KATNIP: variants seen among roughly 807,000 people sequenced by gnomAD.
KATNIP encodes katanin interacting protein.
Under a neutral mutation model 174.0 loss-of-function variants are expected in KATNIP, and 126 were observed. That is an observed-to-expected ratio of 0.72 (90% CI 0.63 to 0.84). KATNIP has a LOEUF of 0.84. Among genes scored for constraint, KATNIP ranks in the 40% least tolerant of loss-of-function variants. The probability of loss-of-function intolerance (pLI) is 0.00; values close to 1 mark genes in which losing one functional copy is unlikely to be tolerated. For synonymous variants in KATNIP, 810 were observed against 835.7 expected, an observed-to-expected ratio of 0.97 and a Z score of 0.53; for missense variants, 1,958 against 2,109.7, an observed-to-expected ratio of 0.93 and a Z score of 1.41.
Position 27,777,979 on chromosome 16 carries a change from G to A in KATNIP, c.4801+10G>A, listed in dbSNP as rs1229079105. On this transcript the variant is annotated intron_variant, in intron 27 of 27. Transcript: ENST00000261588. This position sits in a 1 kb window ranked among gnomAD's most constrained non-coding sequence, Gnocchi z 4.4. Reference sequence around the variant, plus strand: ...AGCGTTGTTGACCCAGGTCAGTGGCGTTTCTCTGCCCAGAGCATTGTGCCT... The same window carrying A: ...AGCGTTGTTGACCCAGGTCAGTGGCATTTCTCTGCCCAGAGCATTGTGCCT... 21 of 1,612,670 alleles carry A rather than the reference G, an allele frequency of 1.3e-5. No homozygotes were observed. Among genetic ancestry groups the A allele is most frequent in the South Asian group, 4.4e-5 (4 of 91,044 alleles).
intron 24 of KATNIP, 142 bp downstream of exon 24, chr16:27,775,226 A>G (rs2082454511): frequency 9.5e-7 from 1 of 1,048,372 alleles, no homozygotes. Context: ...AGAAAGGTTT[A>G]GGTCTTTGCT....
intron 22 of KATNIP, 134 bp downstream of exon 22, chr16:27,771,786 G>C (rs963342586): frequency 2.4e-5 from 21 of 862,028 alleles, no homozygotes; most frequent in Non-Finnish European, 3.8e-5. Context: ...CAAGGCAGAG[G>C]ATAGGAGGCC....
intron 2 of KATNIP, among the ~76,000 whole-genome samples, chr16:27,612,419 T>C (rs1004720154): frequency 6.6e-6 from 1 of 152,108 alleles, no homozygotes; most frequent in African/African-American, 2.4e-5. Flanking sequence ...AGGGCCTTGC[T>C]ACCCAAAGTG....
At chr16:27,606,856 G>A (rs1324087895) in intron 2 of KATNIP, among the ~76,000 whole-genome samples, 2 of 151,926 alleles carry the variant, frequency 1.3e-5, no homozygotes, top group African/African-American at 2.4e-5. Flanking sequence ...ATGAGCCATC[G>A]TGCCTGGCAT....
Position 27,583,251 on chromosome 16 carries a change from A to G in KATNIP, c.63+9295A>G, listed in dbSNP as rs557317778. Among the ~76,000 whole-genome samples the G allele has an allele frequency of 2.6e-5, 4 of 152,328 alleles. No individual in the cohort carries two copies. In the South Asian group the frequency reaches 8.3e-4, roughly 32 times the overall value. On this transcript the variant is annotated intron_variant, in intron 2 of 27. Transcript: ENST00000261588. ...AGAGAGCTGCAATTTGTGACCAGAC[A>G]GAGATAATGTTGACAGCTTCCCTTT...
At chr16:27,655,820 C>A (rs1330634479) in intron 6 of KATNIP, among the ~76,000 whole-genome samples, 1 of 152,146 alleles carries the variant, frequency 6.6e-6, no homozygotes, top group Non-Finnish European at 1.5e-5. Flanking sequence ...TTGTTCCTTA[C>A]AATTCACAGT....
At chr16:27,685,052 A>G (rs935934233) in intron 8 of KATNIP, among the ~76,000 whole-genome samples, 2 of 152,182 alleles carry the variant, frequency 1.3e-5, no homozygotes, top group African/African-American at 4.8e-5. Context: ...GACATGGACT[A>G]ACAAAGTTTT....
rs905743390 is a variant in KATNIP, at chr16:27,615,149, G to A, written c.64-3276G>A. Among the ~76,000 whole-genome samples, 29 of 152,212 alleles carry A rather than the reference G, an allele frequency of 1.9e-4. 1 individual carries two copies. Among genetic ancestry groups the A allele is most frequent in the Admixed American group, 6.5e-4 (10 of 15,282 alleles). ...TTTGGCAAGTAGGACGTTTTTTAGA[G>A]ACAGGGTCTCACTCTGTTGCCCAGG... is the stretch of plus-strand genomic sequence containing the variant. On this transcript the variant is annotated intron_variant, in intron 2 of 27. Transcript: ENST00000261588.
At chr16:27,681,342 A>G (rs1288719198) in intron 7 of KATNIP, 57 bp from the exon 8 acceptor site, 8 of 1,604,290 alleles carry the variant, frequency 5.0e-6, no homozygotes, top group African/African-American at 4.0e-5. Context: ...ATGCCTGAAC[A>G]GAATGCCCAA....
At chr16:27,648,459 A>G in intron 5 of KATNIP, 145 bp from the exon 6 acceptor site, 1 of 917,078 alleles carries the variant, frequency 1.1e-6, no homozygotes, top group Non-Finnish European at 1.6e-6. Flanking sequence ...TCATCATGAC[A>G]CCACTGCTGT....
At chr16:27,602,301 C>T (rs569802202) in intron 2 of KATNIP, among the ~76,000 whole-genome samples, 1 of 152,288 alleles carries the variant, frequency 6.6e-6, no homozygotes, top group South Asian at 2.1e-4. Context: ...GCCCCAAGCC[C>T]TCCAGTAGCT....
At chr16:27,581,277 C>T (rs1317474455) in intron 2 of KATNIP, among the ~76,000 whole-genome samples, 1 of 152,164 alleles carries the variant, frequency 6.6e-6, no homozygotes, top group Non-Finnish European at 1.5e-5. Context: ...GAGCAGACAT[C>T]CCTGTGCACA....
chr16:27,622,381 G>C (rs2076222157), intron 3 of KATNIP, among the ~76,000 whole-genome samples: 1 of 152,188 alleles, frequency 6.6e-6, no homozygotes, highest in African/African-American at 2.4e-5. Context: ...AACCCTGCCA[G>C]CTGCCTGTCC....
intron 14 of KATNIP, among the ~76,000 whole-genome samples, chr16:27,726,157 A>G (rs2080441395): frequency 6.6e-6 from 1 of 152,208 alleles, no homozygotes; most frequent in South Asian, 2.1e-4. Flanking sequence ...GGAATTGCAC[A>G]TGCGAAGGAT....
At chr16:27,575,082 G>C (rs116112972) in intron 2 of KATNIP, among the ~76,000 whole-genome samples, 18 of 152,316 alleles carry the variant, frequency 1.2e-4, no homozygotes, top group African/African-American at 4.1e-4. Flanking sequence ...CTGTCTAGTT[G>C]GAAGAGAGCT....
intron 6 of KATNIP, among the ~76,000 whole-genome samples, chr16:27,671,508 T>A (rs73535042): frequency 0.027 from 4,079 of 152,278 alleles, 161 homozygotes; most frequent in African/African-American, 0.092. Context: ...GCCTCAACGA[T>A]CTTTGTGTAC....
rs1177128994 is a variant in KATNIP, at chr16:27,771,573, T to A, written c.4134-15T>A. On this transcript the variant is annotated splice_polypyrimidine_tract_variant and intron_variant, in intron 21 of 27. Transcript: ENST00000261588. ...GTCGTGAGCTTCTTCATGGTGCTGT[T>A]TTGTGCTTTTTCAGGCTGGACATGA... The A allele has an allele frequency of 1.2e-6, 2 of 1,611,910 alleles. No homozygotes were observed. Among genetic ancestry groups the A allele is most frequent in the African/African-American group, 2.7e-5 (2 of 74,970 alleles).
intron 11 of KATNIP, 124 bp from the exon 12 acceptor site, chr16:27,703,772 A>G (rs2079191710): frequency 2.7e-6 from 2 of 753,554 alleles, no homozygotes; most frequent in Non-Finnish European, 4.7e-6. Flanking sequence ...TTTGAACTGG[A>G]TACAGAGTGC....
At chr16:27,643,295 A>C (rs1403595117) in intron 5 of KATNIP, 4 of 152,318 alleles carry the variant, frequency 2.6e-5, no homozygotes, top group Non-Finnish European at 5.9e-5. Context: ...GGTTGCTTTG[A>C]GAACTAAATG....
Sources: gnomAD v4.1 joint callset for allele counts (sites outside exome capture counted in the v4.1 genomes callset) on GRCh38, gnomAD v4.1.1 for gene constraint, Gnocchi (gnomAD v3.1) non-coding constraint, MANE v1.5 for transcripts, NCBI Gene and HGNC (gene_info 2026-07-23, HGNC 2026-07-21) for gene names.